SMAD1: variants seen among roughly 807,000 people sequenced by gnomAD.
The protein encoded by SMAD1 is MAD, mothers against decapentaplegic homolog 1.
In SMAD1, 6 loss-of-function variants were observed where a neutral mutation model predicts 41.6. The observed-to-expected ratio is 0.14, with a 90% CI of 0.08 to 0.28. The LOEUF is 0.28. SMAD1 is among the 10% of genes least tolerant of loss of function. The probability of loss-of-function intolerance (pLI) is 1.00; values close to 1 mark genes in which losing one functional copy is unlikely to be tolerated. For synonymous variants in SMAD1, 206 were observed against 203.2 expected (o/e 1.01, Z -0.12); for missense variants, 379 against 582.6 (o/e 0.65, Z 3.60).
intron 1 of SMAD1, among the ~76,000 whole-genome samples, chr4:145,507,258 C>G (rs114387284): frequency 6.6e-6 from 1 of 150,962 alleles, no homozygotes; most frequent in East Asian, 1.9e-4. Context: ...CATTAAAGAA[C>G]GTTTGAAAAG....
At chr4:145,488,156 T>C (rs1728579917) in intron 1 of SMAD1, among the ~76,000 whole-genome samples, 1 of 152,098 alleles carries the variant, frequency 6.6e-6, no homozygotes, top group Admixed American at 6.5e-5. Flanking sequence ...GTTTGCAGTA[T>C]AGATTGGTTT....
intron 1 of SMAD1, among the ~76,000 whole-genome samples, chr4:145,492,012 T>A (rs1381821715): frequency 1.3e-5 from 2 of 152,042 alleles, no homozygotes; most frequent in South Asian, 2.1e-4. Flanking sequence ...TTATAATGTT[T>A]AAAAAAAATG....
chr4:145,502,605 C>T (rs1729510683), intron 1 of SMAD1, among the ~76,000 whole-genome samples: 1 of 152,182 alleles, frequency 6.6e-6, no homozygotes, highest in African/African-American at 2.4e-5. Context: ...CCAGAAAGAA[C>T]TCTTTTTAAA....
chr4:145,491,569 G>A (rs1029034199), intron 1 of SMAD1, among the ~76,000 whole-genome samples: 1 of 152,172 alleles, frequency 6.6e-6, no homozygotes, highest in East Asian at 1.9e-4. Flanking sequence ...GGAAGTATCA[G>A]TCTGGGAAGA....
intron 2 of SMAD1, among the ~76,000 whole-genome samples, chr4:145,519,519 G>A (rs1730618786): frequency 6.6e-6 from 1 of 150,376 alleles, no homozygotes; most frequent in Admixed American, 6.6e-5. Context: ...GCGAGGCATG[G>A]TGGCATGTGC....
chr4:145,528,092 CATACACACACAT>C (rs1037138445), intron 2 of SMAD1, among the ~76,000 whole-genome samples: 1 of 147,280 alleles, frequency 6.8e-6, no homozygotes, highest in Admixed American at 6.9e-5. Flanking sequence ...CACACACACA[CATACACACACAT>C]ATATTTTTTT....
chr4:145,501,701 G>A (rs116166292), intron 1 of SMAD1, among the ~76,000 whole-genome samples: 1 of 148,706 alleles, frequency 6.7e-6, no homozygotes, highest in African/African-American at 2.4e-5. Context: ...TTTCATCTGT[G>A]AATTTGATAT....
chr4:145,521,855 T>A (rs2126446183), intron 2 of SMAD1, among the ~76,000 whole-genome samples: 1 of 150,486 alleles, frequency 6.6e-6, no homozygotes, highest in East Asian at 1.9e-4. Context: ...TCCTTAAAAC[T>A]GCATGTGAAT....
At chr4:145,486,406 C>T (rs956681811) in intron 1 of SMAD1, among the ~76,000 whole-genome samples, 3 of 152,192 alleles carry the variant, frequency 2.0e-5, no homozygotes, top group African/African-American at 7.2e-5. Flanking sequence ...CAAAATTAGT[C>T]TATCTTCCCT....
At chr4:145,480,800 C>T (rs1314901102), upstream of SMAD1, among the ~76,000 whole-genome samples, 3 of 152,006 alleles carry the variant, frequency 2.0e-5, no homozygotes, top group African/African-American at 4.8e-5. Flanking sequence ...CTGCGTCAAA[C>T]GCTGCTTTTA....
At chr4:145,520,754 A>G (rs886833133) in intron 2 of SMAD1, among the ~76,000 whole-genome samples, 1 of 152,174 alleles carries the variant, frequency 6.6e-6, no homozygotes, top group African/African-American at 2.4e-5. Flanking sequence ...ATTGTTCTTT[A>G]GAGTGTACTA....
intron 1 of SMAD1, among the ~76,000 whole-genome samples, chr4:145,493,105 A>G (rs1728861103): frequency 6.6e-6 from 1 of 152,134 alleles, no homozygotes; most frequent in African/African-American, 2.4e-5. Context: ...TTGGCCCACT[A>G]GCATCCCCTA....
intron 2 of SMAD1, among the ~76,000 whole-genome samples, chr4:145,516,561 T>C (rs1254704400): frequency 1.3e-5 from 2 of 152,220 alleles, no homozygotes; most frequent in African/African-American, 4.8e-5. Flanking sequence ...ACAGTTGCTC[T>C]TGGTTAAGAG....
At chr4:145,527,286 G>A (rs967627051) in intron 2 of SMAD1, among the ~76,000 whole-genome samples, 7 of 151,184 alleles carry the variant, frequency 4.6e-5, no homozygotes, top group Non-Finnish European at 1.0e-4. Context: ...TGCAGTGGCG[G>A]GATCTCGGCT....
intron 1 of SMAD1, chr4:145,483,272 T>C (rs1402431711): frequency 3.3e-5 from 5 of 152,198 alleles, no homozygotes; most frequent in Non-Finnish European, 5.9e-5. Context: ...GATACAGAAG[T>C]TGCATGATTT....
chr4:145,528,818 A>C (rs1473954420), intron 2 of SMAD1, among the ~76,000 whole-genome samples: 1 of 152,248 alleles, frequency 6.6e-6, no homozygotes, highest in Non-Finnish European at 1.5e-5. Flanking sequence ...ACACCATAGC[A>C]CGGTGGCTAA....
intron 5 of SMAD1, among the ~76,000 whole-genome samples, chr4:145,548,754 T>C (rs955419838): frequency 4.6e-5 from 7 of 152,228 alleles, no homozygotes; most frequent in Admixed American, 4.6e-4. Context: ...TTTATTTGCA[T>C]GGTCTTAAGA....
intron 2 of SMAD1, among the ~76,000 whole-genome samples, chr4:145,530,143 C>A (rs915921824): frequency 6.6e-6 from 1 of 152,154 alleles, no homozygotes; most frequent in Non-Finnish European, 1.5e-5. Context: ...GCATTACAGT[C>A]CAGGTGAAGT....
At chr4:145,529,691 G>T (rs927923504) in intron 2 of SMAD1, among the ~76,000 whole-genome samples, 4 of 152,154 alleles carry the variant, frequency 2.6e-5, no homozygotes, top group Admixed American at 2.6e-4. Flanking sequence ...GACCAATACT[G>T]TGTAGAGTTT....
Sources: gnomAD v4.1 joint callset for allele counts (sites outside exome capture counted in the v4.1 genomes callset) on GRCh38, gnomAD v4.1.1 for gene constraint, MANE v1.5 for transcripts, NCBI Gene and HGNC (gene_info 2026-07-23, HGNC 2026-07-21) for gene names.